Variants in FAM234B observed in about 807,000 individuals in gnomAD.
FAM234B encodes protein FAM234B.
Under a neutral mutation model 69.3 loss-of-function variants are expected in FAM234B, and 33 were observed. The observed-to-expected ratio is 0.48, with a 90% CI of 0.36 to 0.64. The LOEUF (loss-of-function observed/expected upper bound fraction) is 0.64. Among genes scored for constraint, FAM234B ranks in the 30% least tolerant of loss-of-function variants. FAM234B has a pLI of 0.00. For missense variants in FAM234B, 697 were observed against 769.7 expected, an observed-to-expected ratio of 0.91 and a Z score of 1.12; for synonymous variants, 306 against 306.9, an observed-to-expected ratio of 1.00 and a Z score of 0.03.
At chr12:13,046,731 T>C (rs1324652289) in intron 1 of FAM234B, among the ~76,000 whole-genome samples, 1 of 152,206 alleles carries the variant, frequency 6.6e-6, no homozygotes, top group East Asian at 1.9e-4. Flanking sequence ...AGTGCTGGGA[T>C]TACAGGCATG....
At chr12:13,066,035 T>C (rs1264444745) in intron 5 of FAM234B, among the ~76,000 whole-genome samples, 1 of 152,242 alleles carries the variant, frequency 6.6e-6, no homozygotes, top group Non-Finnish European at 1.5e-5. Flanking sequence ...TAGAGCTTTA[T>C]TGGAACATCC....
chr12:13,053,686 C>T (rs533792349), intron 1 of FAM234B, among the ~76,000 whole-genome samples: 32 of 152,246 alleles, frequency 2.1e-4, no homozygotes, highest in South Asian at 6.2e-4. Context: ...CTGCTGTGCA[C>T]GTATTGTCTT....
chr12:13,077,627 T>G (rs2120509543), intron 11 of FAM234B, among the ~76,000 whole-genome samples: 1 of 151,846 alleles, frequency 6.6e-6, no homozygotes, highest in Non-Finnish European at 1.5e-5. Context: ...CTGCATAGTA[T>G]TCCATGGTGT....
chr12:13,068,561 G>A, intron 8 of FAM234B, 69 bp from the exon 9 acceptor site: 5 of 1,581,988 alleles, frequency 3.2e-6, no homozygotes, highest in Non-Finnish European at 4.3e-6. Flanking sequence ...CAAGAGAAGG[G>A]AGGGAGAGTT....
chr12:13,061,968 G>A (rs1185393853), intron 4 of FAM234B, among the ~76,000 whole-genome samples: 1 of 150,002 alleles, frequency 6.7e-6, no homozygotes, highest in Non-Finnish European at 1.5e-5. Context: ...TTGGTGATAG[G>A]ATGGGGCTGG....
At chr12:13,068,186 G>A (rs1865061004) in intron 7 of FAM234B, 118 bp from the exon 8 acceptor site, 1 of 932,490 alleles carries the variant, frequency 1.1e-6, no homozygotes, top group African/African-American at 1.6e-5. Flanking sequence ...AGATAATGGT[G>A]GGGCATGAAT....
intron 10 of FAM234B, among the ~76,000 whole-genome samples, chr12:13,075,433 C>CTTTTCTT (rs763593287): frequency 2.2e-5 from 3 of 137,506 alleles, no homozygotes; most frequent in East Asian, 2.1e-4. Context: ...CTTTTCTTTT[C>CTTTTCTT]TTTTTTTTTT....
At chr12:13,052,499 T>G (rs1864886782) in intron 1 of FAM234B, among the ~76,000 whole-genome samples, 1 of 152,184 alleles carries the variant, frequency 6.6e-6, no homozygotes, top group Non-Finnish European at 1.5e-5. Context: ...TTAACTATGT[T>G]AAGTATACAG....
intron 11 of FAM234B, among the ~76,000 whole-genome samples, chr12:13,076,599 A>G (rs979301459): frequency 3.3e-5 from 5 of 152,198 alleles, no homozygotes; most frequent in Non-Finnish European, 5.9e-5. Flanking sequence ...CCTTTTTTTG[A>G]ATATAACTGT....
chr12:13,074,713 T>C (rs910182537), intron 10 of FAM234B, among the ~76,000 whole-genome samples: 7 of 152,206 alleles, frequency 4.6e-5, no homozygotes, highest in Admixed American at 3.3e-4. Flanking sequence ...TCATGTTAGC[T>C]GAGCTGGAGA....
chr12:13,079,328 G>A (rs539292237), intron 11 of FAM234B, among the ~76,000 whole-genome samples: 1 of 152,310 alleles, frequency 6.6e-6, no homozygotes, highest in East Asian at 1.9e-4. Flanking sequence ...GGGAAAACTG[G>A]CTAGCCATAT....
In FAM234B at chr12:13,073,888, A is replaced by C. The variant is rs76870048; in HGVS notation, c.1525-2138A>C. Among the ~76,000 whole-genome samples, 793 of 152,324 alleles carry C rather than the reference A, an allele frequency of 5.2e-3. 8 individuals are homozygous for C. The highest frequency in any genetic ancestry group is 0.018 in the African/African-American group (754 of 41,566). On this transcript the variant is annotated intron_variant, in intron 10 of 12. Transcript: ENST00000197268. Reference sequence around the variant, plus strand: ...TGCCATTGTGGGTTTAATCTCCGACATCATTTTGTCCCTCGTGAAAATGAG... The same window carrying C: ...TGCCATTGTGGGTTTAATCTCCGACCTCATTTTGTCCCTCGTGAAAATGAG...
At chr12:13,048,163 GGCTGGGTCAGAATGCTTGGACATCAA>G (rs1864832104) in intron 1 of FAM234B, among the ~76,000 whole-genome samples, 1 of 152,202 alleles carries the variant, frequency 6.6e-6, no homozygotes, top group African/African-American at 2.4e-5. Flanking sequence ...GTGATGTCAT[GGCTGGGTCAGAATGCTTGGACATCAA>G]ATTGCATGTT....
At position 13,083,032 on chromosome 12, in the gene FAM234B, A is replaced by C. The variant is rs1454749985; in HGVS notation, c.*2402A>C. The C allele has an allele frequency of 6.6e-6, 1 of 152,086 alleles. No individual in the cohort carries two copies. Among genetic ancestry groups the C allele is most frequent in the Non-Finnish European group, 1.5e-5 (1 of 68,020 alleles). The allele number at this position is 152,086 out of a possible 1,614,324, so 9.4% of individuals were successfully genotyped here. ...TACAGAAAGGTGTAAGTGGTGGCTG[A>C]AAATTGAGGAAGCTTCATCTGACCA... On this transcript the variant is annotated 3_prime_UTR_variant, in exon 13 of 13. Coordinates refer to ENST00000197268, the MANE Select transcript of FAM234B (RefSeq NM_020853.2).
chr12:13,067,873 C>T lies in FAM234B; in HGVS notation c.1143-431C>T, dbSNP rs1306963818. ...TATCATGGTGTTTTGGTGACTTTGA[C>T]AGGTATGAAGTAGAATGGTCCCAGT... On this transcript the variant is annotated intron_variant, in intron 7 of 12. Transcript: ENST00000197268. The surrounding 1 kb of genome is among the most constrained non-coding windows in gnomAD (Gnocchi z 4.7). 2.6e-5 allele frequency among the ~76,000 whole-genome samples: 4 copies of T among 152,140 alleles called. No individual in the cohort carries two copies.
intron 1 of FAM234B, among the ~76,000 whole-genome samples, chr12:13,051,210 C>T (rs1011003019): frequency 6.6e-6 from 1 of 152,198 alleles, no homozygotes; most frequent in African/African-American, 2.4e-5. Flanking sequence ...TTATAAATTT[C>T]TTACAGATTT....
Position 13,079,800 on chromosome 12 carries a change from G to A in FAM234B, c.1654G>A (p.Asp552Asn), listed in dbSNP as rs1345266565. The A allele has an allele frequency of 2.5e-6, 4 of 1,612,084 alleles. No homozygotes were observed. Among genetic ancestry groups the A allele is most frequent in the Non-Finnish European group, 3.4e-6 (4 of 1,178,680 alleles). Residue 552 changes from aspartate to asparagine, a missense_variant, in exon 12 of 13, where the codon GAC (aspartate) becomes AAC (asparagine). Physicochemically the swap from Asp to Asn is conservative, Grantham distance 23. Around this residue, in one of 3 missense-constraint regions of FAM234B, gnomAD observed 313 missense variants for 305.5 expected, o/e 1.02. Coordinates refer to ENST00000197268, the MANE Select transcript of FAM234B (RefSeq NM_020853.2). ...TVTASEVGIN[D>N]LWKDAFYVTR... The stretch of plus-strand genomic sequence containing the variant: ...TTGTCCTTCCTCAGTTGGAATTAAC[G>A]ACCTCTGGAAAGATGCCTTTTATGT...
At chr12:13,080,250 C>T (rs543820775) in intron 12 of FAM234B, among the ~76,000 whole-genome samples, 4 of 152,214 alleles carry the variant, frequency 2.6e-5, no homozygotes, top group East Asian at 3.9e-4. Flanking sequence ...AATGTGGGGT[C>T]GTGGTTTTTA....
intron 10 of FAM234B, among the ~76,000 whole-genome samples, chr12:13,074,773 T>G (rs1865142961): frequency 6.6e-6 from 1 of 152,120 alleles, no homozygotes; most frequent in African/African-American, 2.4e-5. Flanking sequence ...GATGCCCTCT[T>G]CTGCTTTGTG....
Sources: gnomAD v4.1 joint callset for allele counts (sites outside exome capture counted in the v4.1 genomes callset) on GRCh38, gnomAD v4.1.1 for gene constraint, gnomAD v4.1.1 regional missense constraint, Gnocchi (gnomAD v3.1) non-coding constraint, MANE v1.5 for transcripts, NCBI Gene and HGNC (gene_info 2026-07-23, HGNC 2026-07-21) for gene names.